Variants in SLC41A2 observed in about 807,000 individuals in gnomAD.
The protein encoded by SLC41A2 is solute carrier family 41 member 2, also known as SLC41A1-like 1.
SLC41A2 carries 32 observed loss-of-function variants against 58.3 expected under a neutral mutation model. The observed-to-expected ratio is 0.55, with a 90% confidence interval of 0.41 to 0.74. The LOEUF (loss-of-function observed/expected upper bound fraction) is 0.74, where lower values mean the gene tolerates loss of function less well. SLC41A2 is among the 30% of genes least tolerant of loss of function. The pLI, the probability that SLC41A2 is intolerant of heterozygous loss-of-function variation, is 0.00. For missense variants in SLC41A2, 514 were observed against 680.6 expected, an observed-to-expected ratio of 0.76 and a Z score of 2.72; for synonymous variants, 190 against 235.0, an observed-to-expected ratio of 0.81 and a Z score of 1.75.
At chr12:104,885,723 T>G (rs2044623346) in intron 6 of SLC41A2, among the ~76,000 whole-genome samples, 1 of 152,190 alleles carries the variant, frequency 6.6e-6, no homozygotes. Context: ...TATCACTATT[T>G]ATCAGGAATT....
At chr12:104,905,377 G>A (rs1469703240) in intron 3 of SLC41A2, among the ~76,000 whole-genome samples, 2 of 152,256 alleles carry the variant, frequency 1.3e-5, no homozygotes, top group Non-Finnish European at 2.9e-5. Flanking sequence ...GCTGATTGGT[G>A]TATTTACAAT....
intron 3 of SLC41A2, among the ~76,000 whole-genome samples, chr12:104,901,752 A>G (rs1320665115): frequency 2.0e-5 from 3 of 151,990 alleles, no homozygotes; most frequent in African/African-American, 7.2e-5. Context: ...ATTTCACCAC[A>G]TTCCCCAGTC....
chr12:104,926,376 G>A (rs368761814), intron 2 of SLC41A2, among the ~76,000 whole-genome samples: 4 of 152,042 alleles, frequency 2.6e-5, no homozygotes, highest in Admixed American at 6.6e-5. Context: ...AGAGGCAGGC[G>A]GATCACTTGA....
chr12:104,886,188 T>C, intron 6 of SLC41A2, 105 bp downstream of exon 6: 1 of 1,216,370 alleles, frequency 8.2e-7, no homozygotes. Context: ...TCAACAGCAG[T>C]TCTAATGCAA....
intron 6 of SLC41A2, among the ~76,000 whole-genome samples, chr12:104,877,068 C>T (rs1023270572): frequency 1.3e-5 from 2 of 152,102 alleles, no homozygotes; most frequent in African/African-American, 4.8e-5. Context: ...TAATACATGG[C>T]CTCTATAACT....
intron 3 of SLC41A2, among the ~76,000 whole-genome samples, chr12:104,902,103 G>A (rs1377570196): frequency 1.3e-5 from 2 of 152,100 alleles, no homozygotes; most frequent in Admixed American, 6.5e-5. Context: ...CATAAAAAAT[G>A]TAAAATGTTT....
chr12:104,842,282 G>T (rs2042439900), intron 10 of SLC41A2, among the ~76,000 whole-genome samples: 1 of 151,936 alleles, frequency 6.6e-6, no homozygotes, highest in Non-Finnish European at 1.5e-5. Flanking sequence ...TTTGATCTAA[G>T]AATTTACAAC....
At chr12:104,809,750 C>T (rs2453166) in intron 10 of SLC41A2, among the ~76,000 whole-genome samples, 113,333 of 151,952 alleles carry the variant, frequency 0.75, 42,879 homozygotes, top group African/African-American at 0.88. Flanking sequence ...AAACTTACTT[C>T]GAAATAATAA....
chr12:104,844,072 A>G (rs2042517175), intron 10 of SLC41A2, among the ~76,000 whole-genome samples: 1 of 152,206 alleles, frequency 6.6e-6, no homozygotes, highest in South Asian at 2.1e-4. Context: ...ATCGCACTGA[A>G]GAAGGTACCA....
At chr12:104,810,331 T>C (rs2041116944) in intron 10 of SLC41A2, among the ~76,000 whole-genome samples, 1 of 152,018 alleles carries the variant, frequency 6.6e-6, no homozygotes, top group Non-Finnish European at 1.5e-5. Flanking sequence ...GAGGAAACAA[T>C]AGCTTTTAAA....
intron 10 of SLC41A2, among the ~76,000 whole-genome samples, chr12:104,820,602 G>T (rs1264780384): frequency 1.3e-5 from 2 of 152,068 alleles, no homozygotes; most frequent in African/African-American, 4.8e-5. Flanking sequence ...TTACGTACTT[G>T]ACATTTAATG....
At chr12:104,814,275 C>T (rs2041299243) in intron 10 of SLC41A2, among the ~76,000 whole-genome samples, 1 of 152,088 alleles carries the variant, frequency 6.6e-6, no homozygotes. Context: ...GTAGACCCAA[C>T]TACTCAGGTT....
At chr12:104,817,750 G>A (rs1474788562) in intron 10 of SLC41A2, among the ~76,000 whole-genome samples, 2 of 151,468 alleles carry the variant, frequency 1.3e-5, no homozygotes, top group African/African-American at 2.4e-5. Flanking sequence ...AATGCAGCAG[G>A]TTTGTTTATA....
intron 3 of SLC41A2, among the ~76,000 whole-genome samples, chr12:104,900,184 G>C (rs1024121162): frequency 4.6e-5 from 7 of 152,034 alleles, no homozygotes; most frequent in African/African-American, 1.7e-4. Flanking sequence ...ATTGTAGTAT[G>C]GTCTTTTAAA....
chr12:104,916,669 A>G (rs1006442879), intron 2 of SLC41A2, among the ~76,000 whole-genome samples: 4 of 152,146 alleles, frequency 2.6e-5, no homozygotes, highest in Non-Finnish European at 5.9e-5. Context: ...AAATAACGCC[A>G]CATATCTACA....
At chr12:104,819,209 T>C (rs1296249833) in intron 10 of SLC41A2, among the ~76,000 whole-genome samples, 2 of 152,104 alleles carry the variant, frequency 1.3e-5, no homozygotes, top group Admixed American at 6.5e-5. Flanking sequence ...CAGGTAGAAA[T>C]CAGTAACAGA....
chr12:104,919,294 G>A (rs2046478540), intron 2 of SLC41A2, among the ~76,000 whole-genome samples: 1 of 152,198 alleles, frequency 6.6e-6, no homozygotes, highest in African/African-American at 2.4e-5. Context: ...CATGGATAAT[G>A]CTACCATAAC....
chr12:104,915,847 C>T (rs2046295605), intron 2 of SLC41A2, among the ~76,000 whole-genome samples: 1 of 152,154 alleles, frequency 6.6e-6, no homozygotes, highest in South Asian at 2.1e-4. Flanking sequence ...TGTCTTGTGA[C>T]ACTTTTCAAA....
At chr12:104,956,592 T>A (rs1193241657) in intron 1 of SLC41A2, among the ~76,000 whole-genome samples, 1 of 152,078 alleles carries the variant, frequency 6.6e-6, no homozygotes, top group Non-Finnish European at 1.5e-5. Flanking sequence ...GGCAGGAGAA[T>A]CGCTTGAACC....
Sources: allele counts gnomAD v4.1 joint callset (sites outside exome capture counted in the v4.1 genomes callset), GRCh38; gene constraint gnomAD v4.1.1; transcripts MANE v1.5; gene names NCBI Gene and HGNC (gene_info 2026-07-23, HGNC 2026-07-21).